AAK1: variants seen among roughly 807,000 people sequenced by gnomAD.
AAK1 encodes the protein AP2-associated protein kinase 1.
Under a neutral mutation model 116.0 loss-of-function variants are expected in AAK1, and 37 were observed. The ratio of observed to expected loss-of-function variants is 0.32; its 90% confidence interval spans 0.25 to 0.42. AAK1 has a LOEUF of 0.42. Among genes scored for constraint, AAK1 ranks in the 10% least tolerant of loss-of-function variants. The pLI is 1.00. For synonymous variants in AAK1, 458 were observed against 439.9 expected, an observed-to-expected ratio of 1.04 and a Z score of -0.51; for missense variants, 919 against 1,170.6, an observed-to-expected ratio of 0.79 and a Z score of 3.14.
intron 17 of AAK1, among the ~76,000 whole-genome samples, chr2:69,489,694 C>T (rs369686925): frequency 2.2e-4 from 33 of 152,060 alleles, no homozygotes; most frequent in African/African-American, 5.3e-4. Context: ...AGTCTCATGA[C>T]GAGAGATGAT....
intron 2 of AAK1, among the ~76,000 whole-genome samples, chr2:69,616,714 G>T (rs1473873628): frequency 6.6e-6 from 1 of 152,114 alleles, no homozygotes; most frequent in East Asian, 1.9e-4. Flanking sequence ...TGTCTCCTGG[G>T]GGGCAAAACA....
intron 2 of AAK1, among the ~76,000 whole-genome samples, chr2:69,611,427 T>C (rs981648303): frequency 6.6e-6 from 1 of 152,162 alleles, no homozygotes. Context: ...TCAGACAACA[T>C]TGAGACTTCC....
In AAK1 at chr2:69,525,853, T is replaced by TATGAATGGGAAAGTGGGACTACAAAAGA. The variant is rs535898975; in HGVS notation, c.976-742_976-741insTCTTTTGTAGTCCCACTTTCCCATTCAT. Among the ~76,000 whole-genome samples the TATGAATGGGAAAGTGGGACTACAAAAGA allele has an allele frequency of 1.1e-3, 163 of 152,362 alleles. 1 individual carries two copies. The highest frequency in any genetic ancestry group is 3.8e-3 in the African/African-American group (160 of 41,586). ...GCTTCCACTTAGATTTCACATTATTTAACTTTATGAATGGGAAAGTGGGAC... is the reference window on the plus strand; with the variant it reads ...GCTTCCACTTAGATTTCACATTATTTATGAATGGGAAAGTGGGACTACAAAAGAAACTTTATGAATGGGAAAGTGGGAC... On this transcript the variant is annotated intron_variant, in intron 9 of 21. Coordinates refer to ENST00000409085, the MANE Select transcript of AAK1 (RefSeq NM_014911.5).
rs1382902226 is a variant in AAK1, at chr2:69,459,269, G to A, written c.*16600C>T. On this transcript the variant is annotated 3_prime_UTR_variant, in exon 22 of 22. Transcript: ENST00000409085. ...CATTTCATTCATTCATGTTTTGTTT[G>A]TTTTGTTTTTTTGAGACAGGGTCTG... The A allele has an allele frequency of 3.9e-5, 6 of 152,026 alleles. No individual in the cohort carries two copies. In the East Asian group the frequency reaches 1.2e-3, roughly 29 times the overall value. 9.4% of individuals were successfully genotyped at this position (152,026 alleles called of 1,614,324 possible). A position where few individuals can be genotyped will look rare whatever the true frequency, so the allele number is the denominator to read the frequency against.
Position 69,461,407 on chromosome 2 carries a change from G to T in AAK1, c.*14462C>A. On this transcript the variant is annotated 3_prime_UTR_variant, in exon 22 of 22. Coordinates refer to ENST00000409085, the MANE Select transcript of AAK1 (RefSeq NM_014911.5). ...GACTGTATTTTTTTTTCTCTTTAAGGAAATAAGACCCTACTGTAATACAAG... is the reference window on the plus strand; with the variant it reads ...GACTGTATTTTTTTTTCTCTTTAAGTAAATAAGACCCTACTGTAATACAAG... The T allele has an allele frequency of 4.6e-6, 1 of 218,300 alleles. No homozygotes were observed. Among genetic ancestry groups the T allele is most frequent in the Non-Finnish European group, 9.2e-6 (1 of 108,158 alleles). 13.5% of individuals were successfully genotyped at this position (218,300 alleles called of 1,614,324 possible). A position where few individuals can be genotyped will look rare whatever the true frequency, so the allele number is the denominator to read the frequency against.
At chr2:69,563,688 C>T (rs1671743171) in intron 2 of AAK1, among the ~76,000 whole-genome samples, 4 of 152,180 alleles carry the variant, frequency 2.6e-5, no homozygotes, top group Admixed American at 2.6e-4. Context: ...TTCTGCCCTA[C>T]AAACTCTTTG....
intron 2 of AAK1, among the ~76,000 whole-genome samples, chr2:69,607,552 G>A (rs1268140871): frequency 1.3e-5 from 2 of 152,204 alleles, no homozygotes; most frequent in Non-Finnish European, 2.9e-5. Context: ...CACGGGTAAC[G>A]ACTACTGCTA....
Position 69,544,441 on chromosome 2 carries a change from C to A in AAK1, c.386G>T (p.Cys129Phe). Residue 129 changes from cysteine to phenylalanine, a missense_variant, in exon 4 of 22, where the codon TGT (cysteine) becomes TTT (phenylalanine). This residue lies in a region of AAK1 where 317 missense variants were observed against 490.4 expected (regional missense o/e 0.65). Transcript: ENST00000409085. ...GGAATGGTTCATATACATACCTCTA[C>A]AAAAGTCCATCAGAATGAGCACTTC... is the stretch of plus-strand genomic sequence containing the variant. ...VWEVLILMDF[C>F]RGGQVVNLMN... 6.2e-7 allele frequency: 1 copy of A among 1,609,430 alleles called. No individual in the cohort carries two copies. The highest frequency in any genetic ancestry group is 8.5e-7 in the Non-Finnish European group (1 of 1,175,916).
intron 5 of AAK1, among the ~76,000 whole-genome samples, chr2:69,537,121 T>C (rs750475968): frequency 1.3e-5 from 2 of 152,204 alleles, no homozygotes; most frequent in Non-Finnish European, 2.9e-5. Context: ...GTGCGGAGGT[T>C]TCCTCACTGG....
At chr2:69,493,249 T>C (rs1477932407) in intron 17 of AAK1, among the ~76,000 whole-genome samples, 1 of 149,916 alleles carries the variant, frequency 6.7e-6, no homozygotes, top group Admixed American at 6.7e-5. Flanking sequence ...ATAAGCAGAA[T>C]AGTCAAAGCC....
chr2:69,521,299 C>T (rs758730593), intron 10 of AAK1, among the ~76,000 whole-genome samples: 2 of 152,184 alleles, frequency 1.3e-5, no homozygotes, highest in Non-Finnish European at 2.9e-5. Flanking sequence ...TTTGCATTCT[C>T]AAGCTTATTT....
At chr2:69,612,860 A>G (rs1022339239) in intron 2 of AAK1, among the ~76,000 whole-genome samples, 1 of 152,238 alleles carries the variant, frequency 6.6e-6, no homozygotes, top group Non-Finnish European at 1.5e-5. Flanking sequence ...TATGATGTCA[A>G]CTTTATGTTT....
chr2:69,628,045 T>C (rs1230007601), intron 2 of AAK1, among the ~76,000 whole-genome samples: 1 of 152,184 alleles, frequency 6.6e-6, no homozygotes, highest in Non-Finnish European at 1.5e-5. Flanking sequence ...GGTAAAGATA[T>C]AGAAAGAAGG....
At chr2:69,641,928 G>A (rs1675744566) in intron 2 of AAK1, among the ~76,000 whole-genome samples, 2 of 152,080 alleles carry the variant, frequency 1.3e-5, no homozygotes, top group Admixed American at 1.3e-4. Flanking sequence ...ATTGCTTCAT[G>A]CCAAGGAAAT....
At chr2:69,546,784 G>T (rs2105061779) in intron 3 of AAK1, among the ~76,000 whole-genome samples, 1 of 152,300 alleles carries the variant, frequency 6.6e-6, no homozygotes, top group Non-Finnish European at 1.5e-5. Flanking sequence ...GCCCTCATCT[G>T]CTGGTTAATA....
rs1180837712 is a variant in AAK1 at position 69,643,685 on chromosome 2, C to T, written c.-345G>A. ...GCGGCGCTGCAGCGAGAGCCGGGGCCGCGCTCGGCTCCCGCCCGCCCGCCA... is the reference window on the plus strand; with the variant it reads ...GCGGCGCTGCAGCGAGAGCCGGGGCTGCGCTCGGCTCCCGCCCGCCCGCCA... On this transcript the variant is annotated 5_prime_UTR_variant, in exon 1 of 22. Transcript: ENST00000409085. The T allele has an allele frequency of 4.9e-6, 6 of 1,221,952 alleles. No individual in the cohort carries two copies. The highest frequency in any genetic ancestry group is 6.1e-6 in the Non-Finnish European group (6 of 981,712). The allele number at this position is 1,221,952 out of a possible 1,614,324, so 75.7% of individuals were successfully genotyped here. A position where few individuals can be genotyped will look rare whatever the true frequency, so the allele number is the denominator to read the frequency against.
chr2:69,509,686 T>C (rs1207787580), intron 13 of AAK1, among the ~76,000 whole-genome samples: 1 of 152,196 alleles, frequency 6.6e-6, no homozygotes, highest in Non-Finnish European at 1.5e-5. Context: ...CTGATACACA[T>C]AAATTTCAAT....
intron 2 of AAK1, among the ~76,000 whole-genome samples, chr2:69,625,049 C>T (rs1423194088): frequency 6.6e-6 from 1 of 152,174 alleles, no homozygotes; most frequent in Non-Finnish European, 1.5e-5. Flanking sequence ...AATGGTAAGC[C>T]GTTATCTCTT....
chr2:69,474,846 A>G lies in AAK1; in HGVS notation c.*1023T>C, dbSNP rs1041848547. ...ACAGACACCTGATATCAGACTTGAAATGCCAAGTGGAAACAGAACTATTCA... is the reference window on the plus strand; with the variant it reads ...ACAGACACCTGATATCAGACTTGAAGTGCCAAGTGGAAACAGAACTATTCA... On this transcript the variant is annotated 3_prime_UTR_variant, in exon 22 of 22. Transcript: ENST00000409085. 9.1e-6 allele frequency: 9 copies of G among 985,752 alleles called. No homozygotes were observed. The highest frequency in any genetic ancestry group is 9.6e-6 in the Non-Finnish European group (8 of 829,936). 61.1% of individuals were successfully genotyped at this position (985,752 alleles called of 1,614,324 possible).
Sources: gnomAD v4.1 joint callset for allele counts (sites outside exome capture counted in the v4.1 genomes callset) on GRCh38, gnomAD v4.1.1 for gene constraint, gnomAD v4.1.1 regional missense constraint, MANE v1.5 for transcripts, NCBI Gene and HGNC (gene_info 2026-07-23, HGNC 2026-07-21) for gene names.